MACROD2: variants seen among roughly 807,000 people sequenced by gnomAD.
MACROD2 encodes ADP-ribose glycohydrolase MACROD2.
MACROD2 carries 36 observed loss-of-function variants against 70.4 expected under a neutral mutation model. That is an observed-to-expected ratio of 0.51 (90% CI 0.39 to 0.68). The LOEUF is 0.68. MACROD2 is among the 30% of genes least tolerant of loss of function. The pLI is 0.00. For missense variants in MACROD2, 496 were observed against 538.4 expected (o/e 0.92, Z 0.78); for synonymous variants, 172 against 178.8 (o/e 0.96, Z 0.30).
chr20:15,525,115 A>G (rs2047704719), intron 8 of MACROD2, among the ~76,000 whole-genome samples: 1 of 152,336 alleles, frequency 6.6e-6, no homozygotes, highest in African/African-American at 2.4e-5. Flanking sequence ...GGCCATTTCC[A>G]GGTGCCTTAC....
chr20:15,693,580 C>T (rs1205476804), intron 8 of MACROD2, among the ~76,000 whole-genome samples: 1 of 152,128 alleles, frequency 6.6e-6, no homozygotes, highest in Non-Finnish European at 1.5e-5. Flanking sequence ...TTCACTAAGC[C>T]ATCAATAAAT....
At chr20:14,669,644 C>T (rs552568208) in intron 4 of MACROD2, among the ~76,000 whole-genome samples, 10 of 152,232 alleles carry the variant, frequency 6.6e-5, no homozygotes, top group South Asian at 2.1e-4. Context: ...CTCAGAGGCA[C>T]CTGTTAATAT....
chr20:14,986,654 C>A (rs975489493), intron 5 of MACROD2, among the ~76,000 whole-genome samples: 3 of 152,124 alleles, frequency 2.0e-5, no homozygotes, highest in South Asian at 4.1e-4. Flanking sequence ...GTTAAAAAAT[C>A]TTACTGTGAG....
At chr20:14,961,148 A>G (rs2074579980) in intron 5 of MACROD2, among the ~76,000 whole-genome samples, 1 of 152,208 alleles carries the variant, frequency 6.6e-6, no homozygotes, top group Non-Finnish European at 1.5e-5. Flanking sequence ...GTGTGTAGGC[A>G]TGTATGCAAC....
chr20:15,337,001 A>G (rs1600258239), intron 6 of MACROD2, among the ~76,000 whole-genome samples: 1 of 151,622 alleles, frequency 6.6e-6, no homozygotes, highest in East Asian at 1.9e-4. Context: ...CTTGTCTTTG[A>G]CATAGTCTTC....
intron 8 of MACROD2, among the ~76,000 whole-genome samples, chr20:15,704,922 C>A (rs1009586093): frequency 6.6e-6 from 1 of 152,132 alleles, no homozygotes; most frequent in Admixed American, 6.6e-5. Context: ...TGATTATAGG[C>A]CCCTTTAGGA....
intron 3 of MACROD2, among the ~76,000 whole-genome samples, chr20:14,331,337 C>A (rs139560933): frequency 6.6e-6 from 1 of 151,982 alleles, no homozygotes; most frequent in Non-Finnish European, 1.5e-5. Flanking sequence ...TGTGAAAAGA[C>A]GGAAGATTAA....
chr20:14,019,909 C>G (rs1555910925), intron 2 of MACROD2, among the ~76,000 whole-genome samples: 1 of 152,232 alleles, frequency 6.6e-6, no homozygotes. Flanking sequence ...GAATTCATGC[C>G]TCTGTCATCC....
chr20:15,767,438 A>G (rs1425095161), intron 8 of MACROD2, among the ~76,000 whole-genome samples: 1 of 152,208 alleles, frequency 6.6e-6, no homozygotes, highest in African/African-American at 2.4e-5. Flanking sequence ...ATTTCTAGAG[A>G]GAAGGACTGC....
At chr20:14,925,518 G>A (rs1413976547) in intron 5 of MACROD2, among the ~76,000 whole-genome samples, 2 of 152,120 alleles carry the variant, frequency 1.3e-5, no homozygotes, top group Non-Finnish European at 2.9e-5. Flanking sequence ...CATTGATTCT[G>A]CATGAGTCAT....
At chr20:15,099,522 C>T (rs1292431328) in intron 5 of MACROD2, among the ~76,000 whole-genome samples, 3 of 152,194 alleles carry the variant, frequency 2.0e-5, no homozygotes, top group African/African-American at 7.2e-5. Context: ...GATCCCTCAG[C>T]CTCCAGGACT....
At chr20:14,102,906 G>A (rs2054318838) in intron 3 of MACROD2, among the ~76,000 whole-genome samples, 1 of 152,152 alleles carries the variant, frequency 6.6e-6, no homozygotes, top group African/African-American at 2.4e-5. Context: ...TAGCTATTAG[G>A]ATCTCAGTGT....
At chr20:14,465,074 C>T (rs201007086) in intron 3 of MACROD2, among the ~76,000 whole-genome samples, 1 of 151,904 alleles carries the variant, frequency 6.6e-6, no homozygotes, top group African/African-American at 2.4e-5. Flanking sequence ...AGCTGAGTTC[C>T]ATTCCTGGAT....
chr20:15,900,158 G>A (rs551280487), intron 10 of MACROD2, among the ~76,000 whole-genome samples: 2 of 152,170 alleles, frequency 1.3e-5, no homozygotes, highest in Admixed American at 1.3e-4. Flanking sequence ...TTTTTGACAA[G>A]TGCAGTGAAG....
intron 3 of MACROD2, among the ~76,000 whole-genome samples, chr20:14,453,235 A>G (rs1377244498): frequency 3.3e-5 from 5 of 152,060 alleles, no homozygotes; most frequent in Non-Finnish European, 5.9e-5. Flanking sequence ...GAATGCTTGT[A>G]GTTTGTCAGC....
chr20:15,710,308 T>C (rs540820504), intron 8 of MACROD2, among the ~76,000 whole-genome samples: 1 of 152,022 alleles, frequency 6.6e-6, no homozygotes, highest in African/African-American at 2.4e-5. Flanking sequence ...TTGAGGTTCC[T>C]CAAAAAACTA....
intron 3 of MACROD2, among the ~76,000 whole-genome samples, chr20:14,390,770 G>A (rs1034307313): frequency 1.3e-5 from 2 of 151,966 alleles, no homozygotes; most frequent in Non-Finnish European, 2.9e-5. Context: ...TTAAACAAAT[G>A]TACAAGAAAC....
chr20:15,922,781 T>C (rs1034910023), intron 10 of MACROD2, among the ~76,000 whole-genome samples: 6 of 152,212 alleles, frequency 3.9e-5, no homozygotes, highest in African/African-American at 1.4e-4. Context: ...AGCATGCTTC[T>C]GGAGGGGGTG....
At chr20:15,173,161 C>T (rs1423624229) in intron 5 of MACROD2, among the ~76,000 whole-genome samples, 1 of 151,742 alleles carries the variant, frequency 6.6e-6, no homozygotes, top group Admixed American at 6.6e-5. Flanking sequence ...TTAATTTAAC[C>T]CTAGACTCAA....
Sources: allele counts gnomAD v4.1 joint callset (sites outside exome capture counted in the v4.1 genomes callset), GRCh38; gene constraint gnomAD v4.1.1; transcripts MANE v1.5; gene names NCBI Gene and HGNC (gene_info 2026-07-23, HGNC 2026-07-21).